The following THTPA variants were observed in gnomAD, a reference collection of about 807,000 sequenced individuals.
The protein encoded by THTPA is thiamine triphosphatase.
In THTPA, 16 loss-of-function variants were observed where a neutral mutation model predicts 16.5. The observed-to-expected ratio is 0.97, with a 90% confidence interval of 0.66 to 1.47. The LOEUF (loss-of-function observed/expected upper bound fraction) is 1.47, where lower values mean the gene tolerates loss of function less well. THTPA is among the 40% of genes most tolerant of loss of function. The pLI is 0.00. For synonymous variants in THTPA, 110 were observed against 115.5 expected (o/e 0.95, Z 0.30); for missense variants, 281 against 280.9 (o/e 1.00, Z 0.00).
the THTPA span, among the ~76,000 whole-genome samples, chr14:23,550,489 GGTCACAA>G: frequency 6.6e-6 from 1 of 152,162 alleles, no homozygotes; most frequent in Non-Finnish European, 1.5e-5. Context: ...AGATGGGAAG[GGTCACAA>G]GTGGAGACAG....
At chr14:23,522,010 C>G in the THTPA span, 2 of 1,536,324 alleles carry the variant, frequency 1.3e-6, no homozygotes, top group Middle Eastern at 1.7e-4. Flanking sequence ...GGTTGGAGTC[C>G]GTGTGAGGTA....
chr14:23,555,315 A>G (rs1440197546), upstream of THTPA, among the ~76,000 whole-genome samples: 2 of 152,060 alleles, frequency 1.3e-5, no homozygotes, highest in Admixed American at 1.3e-4. Context: ...ATTCTAAATG[A>G]ACATAAGTAG....
chr14:23,551,188 C>T (rs904714590), upstream of THTPA, among the ~76,000 whole-genome samples: 1 of 152,106 alleles, frequency 6.6e-6, no homozygotes, highest in African/African-American at 2.4e-5. The surrounding 1 kb of genome is among the most constrained non-coding windows in gnomAD (Gnocchi z 5.3). Flanking sequence ...TGTCCCCTCC[C>T]CCAGCCCCTT....
At chr14:23,524,433 C>G in the THTPA span, 1 of 1,536,060 alleles carries the variant, frequency 6.5e-7, no homozygotes, top group Non-Finnish European at 8.7e-7. This position sits in a 1 kb window ranked among gnomAD's most constrained non-coding sequence, Gnocchi z 5.6. Context: ...GACAAGCTGC[C>G]GTCCTCATGC....
At chr14:23,542,269 G>A in the THTPA span, 1 of 152,584 alleles carries the variant, frequency 6.6e-6, no homozygotes, top group Non-Finnish European at 1.5e-5. Context: ...GGCATGAGTA[G>A]ATTGGGTGAG....
At chr14:23,530,444 A>G in the THTPA span, 1 of 668,124 alleles carries the variant, frequency 1.5e-6, no homozygotes, top group Non-Finnish European at 2.8e-6. Context: ...GTCCTTTTAT[A>G]GAAGTCCAGC....
the THTPA span, chr14:23,526,719 C>T: frequency 9.2e-3 from 14,081 of 1,535,600 alleles, 94 homozygotes; most frequent in Non-Finnish European, 0.011. Flanking sequence ...GAGGGAACTT[C>T]GTTTAAGCCA....
In THTPA at chr14:23,558,769, C is replaced by A. The variant is rs568162129; in HGVS notation, c.622C>A (p.Arg208Ser). The change falls in exon 2 of 2, where the codon CGC becomes AGC. Residue 208 changes from arginine (R) to serine (S), a missense_variant. Arg to Ser is a moderately radical substitution (Grantham distance 110). Coordinates refer to ENST00000288014, the MANE Select transcript of THTPA (RefSeq NM_024328.6). Reference sequence around the variant, plus strand: ...GCGTTTCCGGCCTCAAGACTATCAGCGCCTGCTAGAAGTGAACAGCTCCAG... The same window carrying A: ...GCGTTTCCGGCCTCAAGACTATCAGAGCCTGCTAGAAGTGAACAGCTCCAG... Reference protein sequence around the residue: ...LQRFRPQDYQRLLEVNSSRER... With the variant: ...LQRFRPQDYQSLLEVNSSRER... The A allele has an allele frequency of 5.0e-6, 8 of 1,614,092 alleles. No homozygotes were observed. The highest frequency in any genetic ancestry group is 6.8e-6 in the Non-Finnish European group (8 of 1,180,052).
the THTPA span, chr14:23,522,333 G>T: frequency 6.5e-7 from 1 of 1,533,684 alleles, no homozygotes; most frequent in Non-Finnish European, 8.7e-7. Flanking sequence ...CACAGGTAGC[G>T]ATGGGTTACA....
chr14:23,551,072 C>A (rs573357192), upstream of THTPA, among the ~76,000 whole-genome samples: 2 of 152,126 alleles, frequency 1.3e-5, no homozygotes, highest in Admixed American at 6.5e-5. The surrounding 1 kb of genome is among the most constrained non-coding windows in gnomAD (Gnocchi z 5.3). Context: ...CCCGTTTCTC[C>A]CTCCACCCCC....
the THTPA span, among the ~76,000 whole-genome samples, chr14:23,512,417 G>A: frequency 6.6e-6 from 1 of 152,048 alleles, no homozygotes; most frequent in Non-Finnish European, 1.5e-5. Context: ...GTGCGGCTGG[G>A]GGTGGGGAAG....
the THTPA span, chr14:23,522,685 T>A: frequency 6.5e-7 from 1 of 1,536,428 alleles, no homozygotes; most frequent in Non-Finnish European, 8.7e-7. Context: ...TGGTCTTCAA[T>A]GCTTTGAGGT....
chr14:23,558,026 A>G (rs985792109), intron 1 of THTPA, among the ~76,000 whole-genome samples: 2 of 152,272 alleles, frequency 1.3e-5, no homozygotes, highest in African/African-American at 2.4e-5. Context: ...GTTCCTAAGC[A>G]TAATTCCCTT....
chr14:23,517,740 C>T, the THTPA span, among the ~76,000 whole-genome samples: 7 of 151,944 alleles, frequency 4.6e-5, no homozygotes, highest in Non-Finnish European at 8.8e-5. Context: ...GGGGAGTGGA[C>T]CCCTCAACCA....
chr14:23,526,890 G>A, the THTPA span: 1 of 1,534,000 alleles, frequency 6.5e-7, no homozygotes, highest in South Asian at 1.2e-5. Context: ...GCCCATGAGT[G>A]GGGGGTTCTT....
the THTPA span, chr14:23,525,303 G>T: frequency 2.0e-6 from 3 of 1,535,962 alleles, no homozygotes; most frequent in South Asian, 2.4e-5. This position sits in a 1 kb window ranked among gnomAD's most constrained non-coding sequence, Gnocchi z 5.9. Flanking sequence ...GGGCCCAGAT[G>T]GGGAACAGGT....
At chr14:23,543,306 G>A in the THTPA span, 2 of 152,228 alleles carry the variant, frequency 1.3e-5, no homozygotes, top group African/African-American at 2.4e-5. Context: ...GATGGGTTAA[G>A]TAATTTTTAA....
Position 23,557,318 on chromosome 14 carries a change from G to T in THTPA, c.547+14G>T, listed in dbSNP as rs1882516870. 1 of 1,563,420 alleles carries T rather than the reference G, an allele frequency of 6.4e-7. No individual in the cohort carries two copies. Among genetic ancestry groups the T allele is most frequent in the Non-Finnish European group, 8.6e-7 (1 of 1,159,188 alleles). ...GCAGCATGCTTGGTGAGGGAGACAG[G>T]CCCTTTTGTGCTTTTCCTGCTCCCC... On this transcript the variant is annotated intron_variant, in intron 1 of 1. Coordinates refer to ENST00000288014, the MANE Select transcript of THTPA (RefSeq NM_024328.6).
chr14:23,525,383 C>T, the THTPA span: 13 of 1,535,934 alleles, frequency 8.5e-6, no homozygotes, highest in South Asian at 8.3e-5. This position sits in a 1 kb window ranked among gnomAD's most constrained non-coding sequence, Gnocchi z 5.9. Context: ...ATAGCTCTTT[C>T]GAAACTGAGC....
Sources: gnomAD v4.1 joint callset for allele counts (sites outside exome capture counted in the v4.1 genomes callset) on GRCh38, gnomAD v4.1.1 for gene constraint, Gnocchi (gnomAD v3.1) non-coding constraint, MANE v1.5 for transcripts, NCBI Gene and HGNC (gene_info 2026-07-23, HGNC 2026-07-21) for gene names.